GRM1: variants seen among roughly 807,000 people sequenced by gnomAD.
GRM1 encodes the protein glutamate metabotropic receptor 1.
GRM1 carries 33 observed loss-of-function variants against 90.9 expected under a neutral mutation model. That is an observed-to-expected ratio of 0.36 (90% CI 0.28 to 0.49). The LOEUF (loss-of-function observed/expected upper bound fraction) is 0.49, where lower values mean the gene tolerates loss of function less well. Ranked by LOEUF, GRM1 falls within the 20% of genes least tolerant of loss-of-function variation. The pLI is 0.99. For synonymous variants in GRM1, 700 were observed against 613.2 expected (o/e 1.14, Z -2.09); for missense variants, 1,190 against 1,534.3 (o/e 0.78, Z 3.75).
chr6:146,082,268 A>G (rs755847490), intron 1 of GRM1, among the ~76,000 whole-genome samples: 10 of 152,026 alleles, frequency 6.6e-5, no homozygotes, highest in Non-Finnish European at 1.3e-4. Flanking sequence ...CAATTCTCCC[A>G]TCTCAGCCTC....
intron 5 of GRM1, among the ~76,000 whole-genome samples, chr6:146,376,485 T>C (rs1177311636): frequency 6.6e-6 from 1 of 152,104 alleles, no homozygotes; most frequent in Admixed American, 6.6e-5. Context: ...CCTCAGCTTT[T>C]GTCTGGGAGT....
At chr6:146,280,335 T>G (rs1437318576) in intron 2 of GRM1, among the ~76,000 whole-genome samples, 1 of 152,158 alleles carries the variant, frequency 6.6e-6, no homozygotes, top group East Asian at 1.9e-4. Flanking sequence ...ACTGTAGATA[T>G]TTGTCAAGTT....
chr6:146,330,606 T>G (rs1784555468), intron 3 of GRM1, among the ~76,000 whole-genome samples: 1 of 152,200 alleles, frequency 6.6e-6, no homozygotes, highest in African/African-American at 2.4e-5. Context: ...TTCCCTTATC[T>G]TCTCTTAATT....
At chr6:146,286,642 T>C (rs956568112) in intron 2 of GRM1, among the ~76,000 whole-genome samples, 4 of 152,216 alleles carry the variant, frequency 2.6e-5, no homozygotes, top group Non-Finnish European at 4.4e-5. Flanking sequence ...CTGAAAGGGC[T>C]TCATGTTTAG....
chr6:146,421,340 A>C (rs1477667927), intron 7 of GRM1, among the ~76,000 whole-genome samples: 1 of 152,116 alleles, frequency 6.6e-6, no homozygotes, highest in Admixed American at 6.5e-5. Flanking sequence ...CTAGAGTTAT[A>C]CTCTAGCTAT....
chr6:146,146,090 A>ACTACCATT, intron 1 of GRM1, among the ~76,000 whole-genome samples: 1 of 85,920 alleles, frequency 1.2e-5, no homozygotes, highest in South Asian at 4.5e-4. Context: ...GTGCCTATGT[A>ACTACCATT]CTACCATTGT....
At chr6:146,270,838 CCTTT>C (rs1210687407) in intron 2 of GRM1, among the ~76,000 whole-genome samples, 5 of 129,316 alleles carry the variant, frequency 3.9e-5, no homozygotes, top group Non-Finnish European at 6.3e-5. Flanking sequence ...TGCCTGCCTG[CCTTT>C]CTTTCTTTTT....
At chr6:146,180,655 T>C (rs1778517864) in intron 2 of GRM1, among the ~76,000 whole-genome samples, 1 of 152,180 alleles carries the variant, frequency 6.6e-6, no homozygotes, top group South Asian at 2.1e-4. Context: ...TCTTTTTTTT[T>C]CTAAATCCAA....
intron 1 of GRM1, among the ~76,000 whole-genome samples, chr6:146,151,911 G>C (rs1423429795): frequency 6.6e-6 from 1 of 152,132 alleles, no homozygotes; most frequent in Non-Finnish European, 1.5e-5. Context: ...CTAGAAGTTA[G>C]TTTTAGAGCA....
chr6:146,102,672 C>A (rs941079801), intron 1 of GRM1, among the ~76,000 whole-genome samples: 2 of 152,112 alleles, frequency 1.3e-5, no homozygotes, highest in African/African-American at 4.8e-5. Context: ...GCAGATTTTA[C>A]CCTTTTTGGG....
chr6:146,251,937 C>A (rs1275830115), intron 2 of GRM1, among the ~76,000 whole-genome samples: 1 of 152,148 alleles, frequency 6.6e-6, no homozygotes, highest in Non-Finnish European at 1.5e-5. Flanking sequence ...AGGGCTCATG[C>A]CTTCACCTCC....
chr6:146,125,703 T>A (rs538221786), intron 1 of GRM1, among the ~76,000 whole-genome samples: 157 of 152,194 alleles, frequency 1.0e-3, no homozygotes, highest in Middle Eastern at 6.8e-3. Flanking sequence ...CCCCCCTCCT[T>A]TTCTCCATTC....
chr6:146,029,116 C>T lies in GRM1; in HGVS notation c.-402C>T, dbSNP rs1387056510. 3.3e-6 allele frequency: 1 copy of T among 302,278 alleles called. No homozygotes were observed. The highest frequency in any genetic ancestry group is 2.2e-5 in the African/African-American group (1 of 45,794). The allele number at this position is 302,278 out of a possible 1,614,324, so 18.7% of individuals were successfully genotyped here. A position where few individuals can be genotyped will look rare whatever the true frequency, so the allele number is the denominator to read the frequency against. On this transcript the variant is annotated 5_prime_UTR_variant, in exon 1 of 8. Transcript: ENST00000282753. ...TGCCGAAATGAAACGGACAAGGCAA[C>T]TGTTAACATTATAGACCCCAGAGTT...
chr6:146,131,544 T>C (rs936492842), intron 1 of GRM1, among the ~76,000 whole-genome samples: 1 of 151,728 alleles, frequency 6.6e-6, no homozygotes, highest in Middle Eastern at 3.2e-3. Flanking sequence ...AATACACACA[T>C]ACACACTGCC....
At chr6:146,205,297 A>G (rs1779457746) in intron 2 of GRM1, among the ~76,000 whole-genome samples, 1 of 152,176 alleles carries the variant, frequency 6.6e-6, no homozygotes, top group African/African-American at 2.4e-5. Flanking sequence ...ATAGCATACA[A>G]AATTTATTTT....
intron 1 of GRM1, among the ~76,000 whole-genome samples, chr6:146,046,735 G>T (rs1373843177): frequency 1.3e-5 from 2 of 151,736 alleles, no homozygotes; most frequent in African/African-American, 4.8e-5. Context: ...AAATTATCCA[G>T]ATATTTTATT....
At chr6:146,238,397 A>C (rs971170417) in intron 2 of GRM1, among the ~76,000 whole-genome samples, 8 of 152,178 alleles carry the variant, frequency 5.3e-5, no homozygotes, top group Non-Finnish European at 8.8e-5. Flanking sequence ...GAAATAAATT[A>C]GCTGTCACAT....
rs769875332 is a variant in GRM1 at position 146,434,643 on chromosome 6, G to T, written c.3432G>T (p.Ala1144=). The T allele has an allele frequency of 2.5e-6, 4 of 1,610,708 alleles. No homozygotes were observed. Among genetic ancestry groups the T allele is most frequent in the Non-Finnish European group, 3.4e-6 (4 of 1,180,014 alleles). ...AACTGACCCCGGATGATTCGCCTGC[G>T]CTGACGCCTCCGTCGCCTTTCCGCG... ...ASKLTPDDSP[A]LTPPSPFRDS... Residue 1144 remains alanine, a synonymous_variant, in exon 8 of 8, where the codon GCG becomes GCT. Transcript: ENST00000282753.
chr6:146,405,628 G>A (rs1459934831), intron 7 of GRM1, among the ~76,000 whole-genome samples: 1 of 152,202 alleles, frequency 6.6e-6, no homozygotes, highest in East Asian at 1.9e-4. Flanking sequence ...GTGCTCACAT[G>A]ACTTCTTCTT....
Sources: gnomAD v4.1 joint callset for allele counts (sites outside exome capture counted in the v4.1 genomes callset) on GRCh38, gnomAD v4.1.1 for gene constraint, MANE v1.5 for transcripts, NCBI Gene and HGNC (gene_info 2026-07-23, HGNC 2026-07-21) for gene names.